DCN: variants seen among roughly 807,000 people sequenced by gnomAD.
The protein encoded by DCN is bone proteoglycan II.
Under a neutral mutation model 36.5 loss-of-function variants are expected in DCN, and 17 were observed. The observed-to-expected ratio is 0.47, with a 90% confidence interval of 0.32 to 0.70. DCN has a LOEUF of 0.70. Among genes scored for constraint, DCN ranks in the 30% least tolerant of loss-of-function variants. The pLI, the probability that DCN is intolerant of heterozygous loss-of-function variation, is 0.04. For missense variants in DCN, 389 were observed against 430.1 expected (o/e 0.90, Z 0.84); for synonymous variants, 163 against 161.4 (o/e 1.01, Z -0.07).
chr12:91,144,779 C>T lies in DCN; in HGVS notation c.*1279G>A, dbSNP rs1361091122. On this transcript the variant is annotated 3_prime_UTR_variant, in exon 8 of 8. Coordinates refer to ENST00000052754, the MANE Select transcript of DCN (RefSeq NM_001920.5). ...ATGCATCTATGGAAACCCACCTCAA[C>T]TGTTATCTCCTCAAGTTTTTCATGT... 1 of 152,160 alleles carries T rather than the reference C, an allele frequency of 6.6e-6. No homozygotes were observed. Among genetic ancestry groups the T allele is most frequent in the Non-Finnish European group, 1.5e-5 (1 of 68,024 alleles). 9.4% of individuals were successfully genotyped at this position (152,160 alleles called of 1,614,324 possible). A position where few individuals can be genotyped will look rare whatever the true frequency, so the allele number is the denominator to read the frequency against.
At chr12:91,151,094 G>A (rs1433117649) in intron 7 of DCN, 3 of 157,746 alleles carry the variant, frequency 1.9e-5, no homozygotes, top group East Asian at 1.9e-4. Flanking sequence ...AGGGGGTAGG[G>A]GGTGAGCGGG....
At chr12:91,152,118 T>A (rs1418276269) in intron 6 of DCN, among the ~76,000 whole-genome samples, 1 of 152,154 alleles carries the variant, frequency 6.6e-6, no homozygotes, top group Non-Finnish European at 1.5e-5. Flanking sequence ...AGTTTATTTT[T>A]AAAAACTGTT....
At chr12:91,161,186 A>G (rs1259048135) in intron 3 of DCN, among the ~76,000 whole-genome samples, 16 of 152,216 alleles carry the variant, frequency 1.1e-4, no homozygotes, top group Admixed American at 1.0e-3. Context: ...AAAGAAAGAG[A>G]TTGTCAAGAT....
At chr12:91,169,928 G>A (rs1882845148) in intron 2 of DCN, 1 of 152,092 alleles carries the variant, frequency 6.6e-6, no homozygotes, top group Non-Finnish European at 1.5e-5. Context: ...GCCGGGCGTG[G>A]TGGTGGGTGC....
At chr12:91,167,512 A>C (rs771703043) in intron 2 of DCN, among the ~76,000 whole-genome samples, 1 of 151,720 alleles carries the variant, frequency 6.6e-6, no homozygotes, top group Non-Finnish European at 1.5e-5. Context: ...TTCTGAGACC[A>C]TCTGAGACCA....
intron 1 of DCN, chr12:91,180,298 GA>G (rs1262695072): frequency 3.1e-5 from 3 of 97,442 alleles, no homozygotes; most frequent in African/African-American, 1.2e-4. Flanking sequence ...AAAGAAGAAA[GA>G]AAGAAGGAAG....
At chr12:91,170,207 C>T (rs928497870) in intron 2 of DCN, among the ~76,000 whole-genome samples, 2 of 152,088 alleles carry the variant, frequency 1.3e-5, no homozygotes, top group Non-Finnish European at 2.9e-5. Context: ...TGCATAGCAG[C>T]GTCTCAAGTA....
At chr12:91,178,643 C>T (rs948667177) in intron 1 of DCN, 58 bp from the exon 2 acceptor site, 31 of 1,036,578 alleles carry the variant, frequency 3.0e-5, no homozygotes, top group Non-Finnish European at 4.5e-5. Context: ...TGTGTCGTTT[C>T]TTATATAATA....
intron 2 of DCN, chr12:91,172,192 A>G (rs1325431066): frequency 6.6e-6 from 1 of 152,068 alleles, no homozygotes; most frequent in Non-Finnish European, 1.5e-5. Flanking sequence ...CCAATGATGA[A>G]TAGTATTGTT....
At chr12:91,167,470 CAG>C (rs1258192395) in intron 2 of DCN, among the ~76,000 whole-genome samples, 31 of 140,702 alleles carry the variant, frequency 2.2e-4, no homozygotes, top group African/African-American at 8.1e-4. Flanking sequence ...CACAGACAGA[CAG>C]ACACACACAC....
Position 91,164,646 on chromosome 12 carries a change from C to T in DCN, c.283G>A (p.Glu95Lys), listed in dbSNP as rs1882420404. The change falls in exon 3 of 8, where the codon GAA (glutamate) becomes AAA (lysine). Residue 95 changes from glutamate to lysine, a missense_variant. Coordinates refer to ENST00000052754, the MANE Select transcript of DCN (RefSeq NM_001920.5). The stretch of plus-strand genomic sequence containing the variant: ...TTCTTAAAGTCTCCATCTTTGATTT[C>T]GGTTATTTTGTTGTTTTGCAGGTCT... Reference protein sequence around the residue: ...LLDLQNNKITEIKDGDFKNLK... With the variant: ...LLDLQNNKITKIKDGDFKNLK... 15 of 1,612,498 alleles carry T rather than the reference C, an allele frequency of 9.3e-6. No homozygotes were observed. Among genetic ancestry groups the T allele is most frequent in the Non-Finnish European group, 1.3e-5 (15 of 1,178,720 alleles).
chr12:91,179,507 T>C (rs896661914), intron 1 of DCN: 2 of 152,238 alleles, frequency 1.3e-5, no homozygotes, highest in African/African-American at 4.8e-5. Flanking sequence ...TATCACATTA[T>C]ATTGCAATTT....
chr12:91,173,259 G>A (rs1050534795), intron 2 of DCN, among the ~76,000 whole-genome samples: 1 of 152,128 alleles, frequency 6.6e-6, no homozygotes, highest in Non-Finnish European at 1.5e-5. Context: ...ATCCCCTGGA[G>A]CTAGGGATGT....
intron 5 of DCN, among the ~76,000 whole-genome samples, 177 bp from the exon 6 acceptor site, chr12:91,153,366 G>A (rs1274358402): frequency 6.6e-6 from 1 of 151,894 alleles, no homozygotes; most frequent in Non-Finnish European, 1.5e-5. Flanking sequence ...GCTTTTGGAA[G>A]TAGTGGAAGC....
chr12:91,148,260 A>C (rs1881166288), intron 7 of DCN, among the ~76,000 whole-genome samples: 1 of 151,762 alleles, frequency 6.6e-6, no homozygotes, highest in South Asian at 2.1e-4. Context: ...TTTTTAGTAG[A>C]GAGGGGGTTT....
At chr12:91,160,479 A>C (rs1434629188) in intron 3 of DCN, among the ~76,000 whole-genome samples, 1 of 151,900 alleles carries the variant, frequency 6.6e-6, no homozygotes, top group East Asian at 1.9e-4. Context: ...TTTTTTGGTG[A>C]CTGTTACATT....
rs1277919023 is a variant in DCN at position 91,145,853 on chromosome 12, AAAGATGATTCTG to A, written c.*193_*204del. ...CAGTTAACATCAACAGAAAGCTTCA[AAAGATGATTCTG>A]AAAATGGCAGGCAAAATTTCTTTTT... On this transcript the variant is annotated 3_prime_UTR_variant, in exon 8 of 8. Coordinates refer to ENST00000052754, the MANE Select transcript of DCN (RefSeq NM_001920.5). 1.7e-6 allele frequency: 1 copy of A among 575,662 alleles called. No homozygotes were observed. Among genetic ancestry groups the A allele is most frequent in the East Asian group, 3.0e-5 (1 of 33,678 alleles). 35.7% of individuals were successfully genotyped at this position (575,662 alleles called of 1,614,324 possible).
chr12:91,147,844 G>A (rs1412010983), intron 7 of DCN, among the ~76,000 whole-genome samples: 1 of 152,134 alleles, frequency 6.6e-6, no homozygotes, highest in Non-Finnish European at 1.5e-5. Context: ...TGAATACAGT[G>A]CAATATAATT....
chr12:91,165,703 T>C lies in DCN; in HGVS notation c.212-986A>G, dbSNP rs1008797907. On this transcript the variant is annotated intron_variant, in intron 2 of 7. Coordinates refer to ENST00000052754, the MANE Select transcript of DCN (RefSeq NM_001920.5). ...TCAAATTAATGTGATCATTTCTGTA[T>C]TTTAAGACTGCATAACACAAATCAG... Among the ~76,000 whole-genome samples the C allele has an allele frequency of 1.1e-4, 16 of 152,144 alleles. No individual in the cohort carries two copies. The South Asian group carries it at 1.2e-3, about 12-fold the overall frequency.
Sources: gnomAD v4.1 joint callset for allele counts (sites outside exome capture counted in the v4.1 genomes callset) on GRCh38, gnomAD v4.1.1 for gene constraint, MANE v1.5 for transcripts, NCBI Gene and HGNC (gene_info 2026-07-23, HGNC 2026-07-21) for gene names.